Variants in NIPAL1 observed in about 807,000 individuals in gnomAD.
NIPAL1 encodes NIPA like domain containing 1, also known as magnesium transporter NIPA3.
In NIPAL1, 35 loss-of-function variants were observed where a neutral mutation model predicts 37.7. That is an observed-to-expected ratio of 0.93 (90% CI 0.71 to 1.23). NIPAL1 has a LOEUF of 1.23. Ranked by LOEUF, NIPAL1 falls within the 50% of genes most tolerant of loss-of-function variation. NIPAL1 has a pLI of 0.00. For synonymous variants in NIPAL1, 162 were observed against 183.0 expected, an observed-to-expected ratio of 0.89 and a Z score of 0.93; for missense variants, 412 against 473.9, an observed-to-expected ratio of 0.87 and a Z score of 1.21.
At chr4:48,031,134 G>A (rs574607596) in intron 3 of NIPAL1, among the ~76,000 whole-genome samples, 3 of 151,788 alleles carry the variant, frequency 2.0e-5, no homozygotes, top group Admixed American at 6.6e-5. Context: ...GCAGGATCTC[G>A]GCCCACTGCA....
chr4:48,017,667 G>A (rs1273778648), intron 1 of NIPAL1, among the ~76,000 whole-genome samples: 1 of 152,072 alleles, frequency 6.6e-6, no homozygotes, highest in Non-Finnish European at 1.5e-5. Context: ...CCATACAGAA[G>A]GCCCCGATAA....
At chr4:48,031,462 C>G (rs1407620450) in intron 3 of NIPAL1, among the ~76,000 whole-genome samples, 2 of 152,272 alleles carry the variant, frequency 1.3e-5, no homozygotes, top group Non-Finnish European at 2.9e-5. Context: ...TTGGATCTTT[C>G]TCTTTTTCTG....
At position 48,039,929 on chromosome 4, in the gene NIPAL1, C is replaced by T. The variant is rs1181229663; in HGVS notation, c.*3757C>T. 1 of 152,066 alleles carries T rather than the reference C, an allele frequency of 6.6e-6. No homozygotes were observed. Among genetic ancestry groups the T allele is most frequent in the Non-Finnish European group, 1.5e-5 (1 of 68,004 alleles). The allele number at this position is 152,066 out of a possible 1,614,324, so 9.4% of individuals were successfully genotyped here. A position where few individuals can be genotyped will look rare whatever the true frequency, so the allele number is the denominator to read the frequency against. ...TCATCATACTATCTCAACACCAATA[C>T]AAAATTATTCCAATAAAAATATTTT... On this transcript the variant is annotated 3_prime_UTR_variant, in exon 6 of 6. Coordinates refer to ENST00000295461, the MANE Select transcript of NIPAL1 (RefSeq NM_207330.3).
Position 48,035,538 on chromosome 4 carries a change from C to T in NIPAL1, c.623-24C>T, listed in dbSNP as rs1326839564. 4.4e-6 allele frequency: 7 copies of T among 1,584,606 alleles called. No homozygotes were observed. In the African/African-American group the frequency reaches 9.6e-5, roughly 22 times the overall value. On this transcript the variant is annotated intron_variant, in intron 5 of 5. Coordinates refer to ENST00000295461, the MANE Select transcript of NIPAL1 (RefSeq NM_207330.3). Reference sequence around the variant, plus strand: ...TAATCCTGTGAGCATTTTCTAAAGTCAAATTCTTTTCTCCTTCTAACAGGG... The same window carrying T: ...TAATCCTGTGAGCATTTTCTAAAGTTAAATTCTTTTCTCCTTCTAACAGGG...
At chr4:48,026,557 T>A (rs996711710) in intron 2 of NIPAL1, among the ~76,000 whole-genome samples, 6 of 152,142 alleles carry the variant, frequency 3.9e-5, no homozygotes, top group African/African-American at 1.4e-4. Flanking sequence ...ACAATTGAAT[T>A]TGTTATTTTA....
chr4:48,023,942 C>T (rs532855307), intron 1 of NIPAL1, among the ~76,000 whole-genome samples: 27 of 151,176 alleles, frequency 1.8e-4, no homozygotes, highest in Admixed American at 1.5e-3. Context: ...CCAAATGACT[C>T]ATACCCCACC....
intron 1 of NIPAL1, among the ~76,000 whole-genome samples, chr4:48,020,698 T>C (rs974773361): frequency 2.0e-5 from 3 of 152,184 alleles, no homozygotes; most frequent in Admixed American, 1.3e-4. Flanking sequence ...TTCATATCAC[T>C]TCTGCTGACT....
chr4:48,024,068 G>A (rs895801458), intron 1 of NIPAL1, among the ~76,000 whole-genome samples: 2 of 150,020 alleles, frequency 1.3e-5, no homozygotes, highest in Admixed American at 6.7e-5. Flanking sequence ...CGCCTCCTGG[G>A]TTCAAGTGAT....
At position 48,030,160 on chromosome 4, in the gene NIPAL1, G is replaced by T; in HGVS notation, c.354G>T (p.Trp118Cys). 1 of 1,599,642 alleles carries T rather than the reference G, an allele frequency of 6.3e-7. No homozygotes were observed. The highest frequency in any genetic ancestry group is 8.6e-7 in the Non-Finnish European group (1 of 1,167,464). Residue 118 changes from tryptophan (W) to cysteine (C), a missense_variant, in exon 3 of 6, where the codon TGG becomes TGT. By Grantham distance (215) the Trp-to-Cys change is radical (BLOSUM62 -2). Transcript: ENST00000295461. Reference protein sequence around the residue: ...GHSYLKEWLWWVGLLSMGAGE... With the variant: ...GHSYLKEWLWCVGLLSMGAGE... ...CTTACCTGAAGGAATGGCTCTGGTG[G>T]GTAGGATTGCTGTCAAGTAAGTTTT...
At chr4:48,018,494 T>G (rs927285894) in intron 1 of NIPAL1, among the ~76,000 whole-genome samples, 2 of 152,226 alleles carry the variant, frequency 1.3e-5, no homozygotes, top group African/African-American at 4.8e-5. Context: ...GAGATTAGGC[T>G]TTGGCATCAG....
Position 48,030,469 on chromosome 4 carries a change from C to T in NIPAL1, c.370+293C>T, listed in dbSNP as rs762056732. 2.5e-4 allele frequency among the ~76,000 whole-genome samples: 38 copies of T among 152,146 alleles called. 1 individual carries two copies. The highest frequency in any genetic ancestry group is 9.2e-4 in the Admixed American group (14 of 15,270). ...CCACAGACTTCTTGTATTTTCTTCA[C>T]CATAACAATAGAGAAAAGTACTTTT... is the stretch of plus-strand genomic sequence containing the variant. On this transcript the variant is annotated intron_variant, in intron 3 of 5. Coordinates refer to ENST00000295461, the MANE Select transcript of NIPAL1 (RefSeq NM_207330.3).
At chr4:48,029,304 A>G (rs1715766507) in intron 2 of NIPAL1, among the ~76,000 whole-genome samples, 1 of 152,208 alleles carries the variant, frequency 6.6e-6, no homozygotes, top group East Asian at 1.9e-4. Context: ...CCATTATCCT[A>G]AGTGCAGTGA....
intron 3 of NIPAL1, among the ~76,000 whole-genome samples, chr4:48,032,055 G>A (rs1326662344): frequency 5.3e-5 from 8 of 152,098 alleles, no homozygotes; most frequent in Admixed American, 1.3e-4. Flanking sequence ...TGATTCTTTC[G>A]ATGATAGCAA....
Position 48,037,347 on chromosome 4 carries a change from T to G in NIPAL1, c.*1175T>G. 2.7e-6 allele frequency: 1 copy of G among 373,248 alleles called. No individual in the cohort carries two copies. Among genetic ancestry groups the G allele is most frequent in the South Asian group, 2.0e-5 (1 of 49,262 alleles). 23.1% of individuals were successfully genotyped at this position (373,248 alleles called of 1,614,324 possible). ...GAGTTTCTGAAGAAGTCCAGGTGAATTCAGCTTTGGAGTCACTTATGTTCA... is the reference window on the plus strand; with the variant it reads ...GAGTTTCTGAAGAAGTCCAGGTGAAGTCAGCTTTGGAGTCACTTATGTTCA... On this transcript the variant is annotated 3_prime_UTR_variant, in exon 6 of 6. Transcript: ENST00000295461.
chr4:48,032,982 T>A lies in NIPAL1; in HGVS notation c.371-11T>A, dbSNP rs1020131586. 7.5e-6 allele frequency: 12 copies of A among 1,603,346 alleles called. No homozygotes were observed. Among genetic ancestry groups the A allele is most frequent in the Non-Finnish European group, 1.0e-5 (12 of 1,171,060 alleles). Reference sequence around the variant, plus strand: ...CCATTTTTTATATCAATATCTCTGCTTGCTTTCTAGTGGGAGCAGGAGAGG... The same window carrying A: ...CCATTTTTTATATCAATATCTCTGCATGCTTTCTAGTGGGAGCAGGAGAGG... On this transcript the variant is annotated splice_polypyrimidine_tract_variant and intron_variant, in intron 3 of 5. Coordinates refer to ENST00000295461, the MANE Select transcript of NIPAL1 (RefSeq NM_207330.3).
intron 2 of NIPAL1, among the ~76,000 whole-genome samples, chr4:48,028,211 C>G (rs1715734470): frequency 6.6e-6 from 1 of 152,122 alleles, no homozygotes; most frequent in Non-Finnish European, 1.5e-5. Flanking sequence ...CAGCATGGTA[C>G]TGGTATAAAA....
rs1011360112 is a variant in NIPAL1 at position 48,027,873 on chromosome 4, C to G, written c.314-2247C>G. Among the ~76,000 whole-genome samples, 1 of 152,200 alleles carries G rather than the reference C, an allele frequency of 6.6e-6. No homozygotes were observed. Among genetic ancestry groups the G allele is most frequent in the Non-Finnish European group, 1.5e-5 (1 of 68,022 alleles). ...TTATTCTCTCATTGACTAATCCAAA[C>G]TCTCAAAAGCTCTTATGTCAACCAT... is the stretch of plus-strand genomic sequence containing the variant. On this transcript the variant is annotated intron_variant, in intron 2 of 5. Coordinates refer to ENST00000295461, the MANE Select transcript of NIPAL1 (RefSeq NM_207330.3). This position sits in a 1 kb window ranked among gnomAD's most constrained non-coding sequence, Gnocchi z 4.1.
At position 48,028,745 on chromosome 4, in the gene NIPAL1, A is replaced by G. The variant is rs145832713; in HGVS notation, c.314-1375A>G. ...AACAAGAAAAAAACAAACCCATGAA[A>G]AAGTGGGTAAAGGATATGAACATAC... is the stretch of plus-strand genomic sequence containing the variant. On this transcript the variant is annotated intron_variant, in intron 2 of 5. Coordinates refer to ENST00000295461, the MANE Select transcript of NIPAL1 (RefSeq NM_207330.3). 5.1e-3 allele frequency among the ~76,000 whole-genome samples: 781 copies of G among 152,316 alleles called. 9 individuals are homozygous for G. The highest frequency in any genetic ancestry group is 0.018 in the African/African-American group (747 of 41,580).
intron 1 of NIPAL1, among the ~76,000 whole-genome samples, chr4:48,020,127 C>G (rs1715539378): frequency 6.6e-6 from 1 of 152,132 alleles, no homozygotes; most frequent in African/African-American, 2.4e-5. Flanking sequence ...AAATGCCCAA[C>G]AGGTAGTACA....
Sources: allele counts gnomAD v4.1 joint callset (sites outside exome capture counted in the v4.1 genomes callset), GRCh38; gene constraint gnomAD v4.1.1; non-coding constraint Gnocchi (gnomAD v3.1); transcripts MANE v1.5; gene names NCBI Gene and HGNC (gene_info 2026-07-23, HGNC 2026-07-21).